Variants in NDUFS7 observed in about 807,000 individuals in gnomAD.
NDUFS7 encodes NADH dehydrogenase [ubiquinone] iron-sulfur protein 7, mitochondrial.
NDUFS7 carries 11 observed loss-of-function variants against 31.1 expected under a neutral mutation model. That is an observed-to-expected ratio of 0.35 (90% CI 0.22 to 0.59). The LOEUF (loss-of-function observed/expected upper bound fraction) is 0.59, where lower values mean the gene tolerates loss of function less well. Among genes scored for constraint, NDUFS7 ranks in the 20% least tolerant of loss-of-function variants. The pLI is 0.79. For missense variants in NDUFS7, 263 were observed against 324.2 expected (o/e 0.81, Z 1.45); for synonymous variants, 136 against 127.9 (o/e 1.06, Z -0.43).
intron 4 of NDUFS7, chr19:1,389,251 G>A (rs1172135828): frequency 1.5e-6 from 1 of 650,884 alleles, no homozygotes; most frequent in East Asian, 3.0e-5. Flanking sequence ...GCACACTCAT[G>A]CGCACATATA....
chr19:1,394,600 G>GGGACCGCGCCCCTCCCTCCCAGC (rs1204370869), intron 7 of NDUFS7: 13 of 1,149,576 alleles, frequency 1.1e-5, no homozygotes, highest in Non-Finnish European at 1.3e-5. Flanking sequence ...GCCCTCCCTG[G>GGGACCGCGCCCCTCCCTCCCAGC]GGACCGCGCC....
chr19:1,387,319 C>T (rs986870477), intron 1 of NDUFS7, among the ~76,000 whole-genome samples: 7 of 152,264 alleles, frequency 4.6e-5, no homozygotes, highest in Non-Finnish European at 8.8e-5. Flanking sequence ...AGGCACCCCA[C>T]AAGCACGCAT....
chr19:1,388,660 C>T (rs969169978), intron 3 of NDUFS7, 67 bp downstream of exon 3: 67 of 1,534,582 alleles, frequency 4.4e-5, no homozygotes, highest in Non-Finnish European at 5.2e-5. Context: ...TTATTTTCTG[C>T]ATCAGTGCCG....
rs904546227 is a variant in NDUFS7, at chr19:1,393,049, G to A, written c.456-193G>A. The stretch of plus-strand genomic sequence containing the variant: ...TCCCCGAGTTATCAGCCACGTGTGA[G>A]CTTGCGCCCCACTGGTCCCACAGAG... On this transcript the variant is annotated intron_variant, in intron 6 of 7. Coordinates refer to ENST00000233627, the MANE Select transcript of NDUFS7 (RefSeq NM_024407.5). The surrounding 1 kb of genome is among the most constrained non-coding windows in gnomAD (Gnocchi z 7.3). 8.1e-6 allele frequency: 5 copies of A among 616,022 alleles called. No homozygotes were observed. The highest frequency in any genetic ancestry group is 1.2e-5 in the Non-Finnish European group (4 of 342,038). The allele number at this position is 616,022 out of a possible 1,614,324, so 38.2% of individuals were successfully genotyped here.
intron 7 of NDUFS7, chr19:1,394,672 G>A: frequency 8.2e-7 from 1 of 1,218,844 alleles, no homozygotes; most frequent in East Asian, 5.9e-5. Flanking sequence ...CTCCCTCCCT[G>A]CGGACTGTGC....
At chr19:1,389,298 T>C (rs2082536525) in intron 4 of NDUFS7, 1 of 547,886 alleles carries the variant, frequency 1.8e-6, no homozygotes, top group Middle Eastern at 2.8e-4. Flanking sequence ...CGTGCACATA[T>C]ATGCACAGTC....
At chr19:1,394,691 C>T in intron 7 of NDUFS7, 1 of 1,202,554 alleles carries the variant, frequency 8.3e-7, no homozygotes, top group Non-Finnish European at 1.0e-6. Flanking sequence ...GCTGCTCCCT[C>T]CCTGCGGACT....
chr19:1,395,098 C>T, intron 7 of NDUFS7: 1 of 1,314,092 alleles, frequency 7.6e-7, no homozygotes, highest in Non-Finnish European at 9.8e-7. Context: ...AGGGCTGGGG[C>T]CGGGGGCCGG....
chr19:1,389,598 T>TA (rs758072826), intron 4 of NDUFS7: 7 of 441,720 alleles, frequency 1.6e-5, no homozygotes. Flanking sequence ...TGTTTTAAGT[T>TA]AAAAGGAGCG....
At chr19:1,389,037 C>T (rs2082530658) in intron 4 of NDUFS7, 99 bp downstream of exon 4, 1 of 984,086 alleles carries the variant, frequency 1.0e-6, no homozygotes, top group Non-Finnish European at 1.6e-6. Context: ...CACGTACACA[C>T]ACAACACATG....
Position 1,393,443 on chromosome 19 carries a change from C to T in NDUFS7, c.544+113C>T, listed in dbSNP as rs1416994189. 7 of 887,710 alleles carry T rather than the reference C, an allele frequency of 7.9e-6. No individual in the cohort carries two copies. Among genetic ancestry groups the T allele is most frequent in the Non-Finnish European group, 1.3e-5 (7 of 555,652 alleles). 55.0% of individuals were successfully genotyped at this position (887,710 alleles called of 1,614,324 possible). On this transcript the variant is annotated intron_variant, in intron 7 of 7. Transcript: ENST00000233627. The surrounding 1 kb of genome is among the most constrained non-coding windows in gnomAD (Gnocchi z 7.3). ...CACCCCCAGCAGACGGCGGGCTCCCCCATCCTATGGATGGGCCGACTCGGA... is the reference window on the plus strand; with the variant it reads ...CACCCCCAGCAGACGGCGGGCTCCCTCATCCTATGGATGGGCCGACTCGGA...
rs1394329692 is a variant in NDUFS7, at chr19:1,394,757, C to G, written c.545-634C>G. On this transcript the variant is annotated intron_variant, in intron 7 of 7. Transcript: ENST00000233627. ...CTTGCCAGAGCTCTGCCAGGTGGGG[C>G]CTGGCCGCCCTTTCCCAGGCCCTGC... 3.4e-6 allele frequency: 4 copies of G among 1,185,544 alleles called. No individual in the cohort carries two copies. In the African/African-American group the frequency reaches 6.4e-5, roughly 19 times the overall value. The allele number at this position is 1,185,544 out of a possible 1,614,324, so 73.4% of individuals were successfully genotyped here. A position where few individuals can be genotyped will look rare whatever the true frequency, so the allele number is the denominator to read the frequency against.
chr19:1,394,844 G>A (rs531616273), intron 7 of NDUFS7: 77 of 1,154,326 alleles, frequency 6.7e-5, no homozygotes, highest in South Asian at 6.1e-4. Flanking sequence ...CCTGGGCTTC[G>A]TCCTCTTGCT....
rs780572876 is a variant in NDUFS7, at chr19:1,393,220, C to T, written c.456-22C>T. The T allele has an allele frequency of 5.2e-6, 8 of 1,546,454 alleles. No homozygotes were observed. The highest frequency in any genetic ancestry group is 7.0e-6 in the Non-Finnish European group (8 of 1,145,370). Reference sequence around the variant, plus strand: ...GGCAGGCGGGTCTTCGGCACACTCCCCTCACGGTGCCTCCCCAACAGCTGC... The same window carrying T: ...GGCAGGCGGGTCTTCGGCACACTCCTCTCACGGTGCCTCCCCAACAGCTGC... On this transcript the variant is annotated intron_variant, in intron 6 of 7. Coordinates refer to ENST00000233627, the MANE Select transcript of NDUFS7 (RefSeq NM_024407.5). The surrounding 1 kb of genome is among the most constrained non-coding windows in gnomAD (Gnocchi z 7.3).
Position 1,393,306 on chromosome 19 carries a change from G to A in NDUFS7, c.520G>A (p.Val174Met). 3.2e-6 allele frequency: 5 copies of A among 1,586,702 alleles called. No homozygotes were observed. Among genetic ancestry groups the A allele is most frequent in the South Asian group, 1.2e-5 (1 of 86,866 alleles). Reference protein sequence around the residue: ...YSVVRGCDRIVPVDIYIPGCP... With the variant: ...YSVVRGCDRIMPVDIYIPGCP... ...GGTGGTGAGGGGCTGCGACCGCATC[G>A]TGCCCGTGGACATCTACATCCCAGG... The change falls in exon 7 of 8, where the codon GTG (valine) becomes ATG (methionine). Residue 174 changes from valine to methionine, a missense_variant. Transcript: ENST00000233627. This position sits in a 1 kb window ranked among gnomAD's most constrained non-coding sequence, Gnocchi z 7.3.
chr19:1,391,393 G>A (rs888336828), intron 6 of NDUFS7, among the ~76,000 whole-genome samples: 1 of 151,980 alleles, frequency 6.6e-6, no homozygotes, highest in Non-Finnish European at 1.5e-5. Flanking sequence ...CCCACATTCC[G>A]CCCAGTTCTC....
In NDUFS7 at chr19:1,393,234, C is replaced by T. The variant is rs757059641; in HGVS notation, c.456-8C>T. On this transcript the variant is annotated splice_region_variant and splice_polypyrimidine_tract_variant and intron_variant, in intron 6 of 7. Coordinates refer to ENST00000233627, the MANE Select transcript of NDUFS7 (RefSeq NM_024407.5). This position sits in a 1 kb window ranked among gnomAD's most constrained non-coding sequence, Gnocchi z 7.3. Reference sequence around the variant, plus strand: ...CGGCACACTCCCCTCACGGTGCCTCCCCAACAGCTGCGCCAACGGAGGAGG... The same window carrying T: ...CGGCACACTCCCCTCACGGTGCCTCTCCAACAGCTGCGCCAACGGAGGAGG... The T allele has an allele frequency of 6.4e-7, 1 of 1,554,778 alleles. No individual in the cohort carries two copies. The highest frequency in any genetic ancestry group is 8.7e-7 in the Non-Finnish European group (1 of 1,150,192).
Position 1,393,152 on chromosome 19 carries a change from G to A in NDUFS7, c.456-90G>A, listed in dbSNP as rs1464315064. 6.6e-6 allele frequency: 7 copies of A among 1,054,410 alleles called. No homozygotes were observed. Among genetic ancestry groups the A allele is most frequent in the Non-Finnish European group, 8.5e-6 (6 of 709,514 alleles). The allele number at this position is 1,054,410 out of a possible 1,614,324, so 65.3% of individuals were successfully genotyped here. ...CCTCGTAGGTGCCTGGCCTGCAGTT[G>A]AAGGCGGGTGGGGATGGGGCGAGGC... On this transcript the variant is annotated intron_variant, in intron 6 of 7. Coordinates refer to ENST00000233627, the MANE Select transcript of NDUFS7 (RefSeq NM_024407.5). The surrounding 1 kb of genome is among the most constrained non-coding windows in gnomAD (Gnocchi z 7.3).
chr19:1,388,928 G>A lies in NDUFS7; in HGVS notation c.218G>A (p.Trp73Ter). 6.2e-7 allele frequency: 1 copy of A among 1,605,906 alleles called. No homozygotes were observed. Among genetic ancestry groups the A allele is most frequent in the South Asian group, 1.1e-5 (1 of 89,484 alleles). ...GCCAAGCTGGATGACCTCGTCAACT[G>A]GGCCCGCCGGGTGAGTACTATGAGC... ...VVAKLDDLVN[W>*]ARRSSLWPMT... Residue 73 changes from tryptophan (W) to a stop codon, truncating the protein, a stop_gained, in exon 4 of 8, where the codon TGG (tryptophan) becomes TAG (stop). Transcript: ENST00000233627. LOFTEE classifies it high-confidence loss of function.
Sources: gnomAD v4.1 joint callset for allele counts (sites outside exome capture counted in the v4.1 genomes callset) on GRCh38, gnomAD v4.1.1 for gene constraint, Gnocchi (gnomAD v3.1) non-coding constraint, MANE v1.5 for transcripts, NCBI Gene and HGNC (gene_info 2026-07-23, HGNC 2026-07-21) for gene names.